LRFN5: variants seen among roughly 807,000 people sequenced by gnomAD.
LRFN5 encodes leucine rich repeat and fibronectin type III domain containing 5, also known as leucine-rich repeat and fibronectin type-III domain-containing protein 5.
In LRFN5, 24 loss-of-function variants were observed where a neutral mutation model predicts 45.6. That is an observed-to-expected ratio of 0.53 (90% CI 0.38 to 0.74). LRFN5 has a LOEUF of 0.74. Among genes scored for constraint, LRFN5 ranks in the 30% least tolerant of loss-of-function variants. The probability of loss-of-function intolerance (pLI) is 0.00; values close to 1 mark genes in which losing one functional copy is unlikely to be tolerated. For synonymous variants in LRFN5, 340 were observed against 313.8 expected (o/e 1.08, Z -0.88); for missense variants, 776 against 861.5 (o/e 0.90, Z 1.24).
intron 1 of LRFN5, among the ~76,000 whole-genome samples, chr14:41,764,850 CATATATAT>C (rs1885813784): frequency 6.7e-6 from 1 of 149,084 alleles, no homozygotes; most frequent in Non-Finnish European, 1.5e-5. Flanking sequence ...ATGCAGAATA[CATATATAT>C]GATTATATAT....
intron 2 of LRFN5, among the ~76,000 whole-genome samples, chr14:41,853,520 T>A (rs2139080448): frequency 6.6e-6 from 1 of 152,170 alleles, no homozygotes; most frequent in Non-Finnish European, 1.5e-5. Flanking sequence ...AACTTTTTAG[T>A]CCCTGAGATG....
intron 1 of LRFN5, among the ~76,000 whole-genome samples, chr14:41,619,017 T>A (rs553920250): frequency 1.3e-5 from 2 of 149,352 alleles, no homozygotes; most frequent in East Asian, 4.0e-4. Flanking sequence ...TTAGAGAAGC[T>A]TCTCTGAAAA....
At chr14:41,703,745 T>G (rs1458830852) in intron 1 of LRFN5, among the ~76,000 whole-genome samples, 1 of 152,144 alleles carries the variant, frequency 6.6e-6, no homozygotes, top group Non-Finnish European at 1.5e-5. Flanking sequence ...AATCAGCACA[T>G]TTGCCTTCAA....
At chr14:41,714,641 C>A (rs1036981611) in intron 1 of LRFN5, among the ~76,000 whole-genome samples, 8 of 152,098 alleles carry the variant, frequency 5.3e-5, no homozygotes, top group African/African-American at 1.7e-4. Context: ...TGTGGTGGCT[C>A]ATGCCTGTAA....
At chr14:41,621,803 C>A (rs1888145424) in intron 1 of LRFN5, among the ~76,000 whole-genome samples, 1 of 152,088 alleles carries the variant, frequency 6.6e-6, no homozygotes, top group Non-Finnish European at 1.5e-5. Flanking sequence ...AATCAGGATG[C>A]AACTTTCAGC....
intron 1 of LRFN5, among the ~76,000 whole-genome samples, chr14:41,752,096 A>G (rs1885158880): frequency 6.6e-6 from 1 of 152,080 alleles, no homozygotes. Flanking sequence ...ACATGAACTC[A>G]TCATTTTTTA....
rs200253065 is a variant in LRFN5, at chr14:41,704,448, C to CTCTCTCTCTGTGTGTGTGTGTGTGTGTG, written c.-196-62405_-196-62404insCTCTCTCTGTGTGTGTGTGTGTGTGTGT. Among the ~76,000 whole-genome samples the CTCTCTCTCTGTGTGTGTGTGTGTGTGTG allele has an allele frequency of 6.7e-4, 83 of 124,250 alleles. 1 individual carries two copies. Among genetic ancestry groups the CTCTCTCTCTGTGTGTGTGTGTGTGTGTG allele is most frequent in the African/African-American group, 3.0e-3 (77 of 25,920 alleles). 81.5% of individuals were successfully genotyped at this position (124,250 alleles called of 152,430 possible). On this transcript the variant is annotated intron_variant, in intron 1 of 5. Coordinates refer to ENST00000298119, the MANE Select transcript of LRFN5 (RefSeq NM_152447.5). ...TCTCTCTCTCTCTCTCTCTCTCTCT[C>CTCTCTCTCTGTGTGTGTGTGTGTGTGTG]TGTGTGTGTGTGTCTGTGAGATTTG...
chr14:41,738,341 T>G (rs77074576), intron 1 of LRFN5, among the ~76,000 whole-genome samples: 1 of 151,996 alleles, frequency 6.6e-6, no homozygotes, highest in South Asian at 2.1e-4. Context: ...ATGCAAAAAT[T>G]AACTCAAGAT....
At chr14:41,749,494 T>C (rs1364109071) in intron 1 of LRFN5, among the ~76,000 whole-genome samples, 1 of 152,140 alleles carries the variant, frequency 6.6e-6, no homozygotes, top group East Asian at 1.9e-4. Flanking sequence ...CCATGGTGTA[T>C]ATAGAGATGA....
chr14:41,879,367 T>A (rs1310475159), intron 2 of LRFN5, among the ~76,000 whole-genome samples: 2 of 151,740 alleles, frequency 1.3e-5, no homozygotes, highest in African/African-American at 2.4e-5. Context: ...TTAAAAAAAA[T>A]TAATCACCTA....
intron 1 of LRFN5, among the ~76,000 whole-genome samples, chr14:41,627,181 C>T (rs1345099816): frequency 1.3e-5 from 2 of 151,780 alleles, no homozygotes. Context: ...ATCTTTTTAG[C>T]GTGTACAATT....
chr14:41,834,591 C>G (rs917418048), intron 2 of LRFN5, among the ~76,000 whole-genome samples: 2 of 152,140 alleles, frequency 1.3e-5, no homozygotes, highest in Admixed American at 6.5e-5. Context: ...CATCTAATTA[C>G]TTGATAATCA....
chr14:41,774,536 T>C (rs1007731079), intron 2 of LRFN5, among the ~76,000 whole-genome samples: 6 of 152,208 alleles, frequency 3.9e-5, no homozygotes, highest in Admixed American at 2.0e-4. Context: ...TACTAATGAT[T>C]TGTAATATGA....
chr14:41,805,863 G>A (rs1250843536), intron 2 of LRFN5, among the ~76,000 whole-genome samples: 1 of 152,102 alleles, frequency 6.6e-6, no homozygotes, highest in Non-Finnish European at 1.5e-5. Flanking sequence ...TTGTTGCACA[G>A]CATACCTTTT....
chr14:41,890,144 A>G (rs1566508010), intron 3 of LRFN5, among the ~76,000 whole-genome samples: 1 of 151,964 alleles, frequency 6.6e-6, no homozygotes, highest in Non-Finnish European at 1.5e-5. Flanking sequence ...GATTACAGGC[A>G]TGAGCCACCG....
intron 2 of LRFN5, among the ~76,000 whole-genome samples, chr14:41,769,080 GAA>G (rs1324175478): frequency 7.3e-6 from 1 of 137,016 alleles, no homozygotes; most frequent in South Asian, 2.3e-4. Context: ...TAATCACTCT[GAA>G]AAAAAAAAAA....
chr14:41,891,391 T>C lies in LRFN5; in HGVS notation c.1527T>C (p.Thr509=), dbSNP rs762773368. The C allele has an allele frequency of 3.1e-6, 5 of 1,614,044 alleles. No homozygotes were observed. Among genetic ancestry groups the C allele is most frequent in the Non-Finnish European group, 4.2e-6 (5 of 1,180,044 alleles). Residue 509 remains threonine, a synonymous_variant, in exon 4 of 6, where the codon ACT becomes ACC. Coordinates refer to ENST00000298119, the MANE Select transcript of LRFN5 (RefSeq NM_152447.5). The stretch of plus-strand genomic sequence containing the variant: ...GAGTCGTGGGTTGCATCCAGTTTAC[T>C]ACGGAACAGGATTATGTGCGTTGCC... ...ATRVVGCIQF[T]TEQDYVRCHF...
chr14:41,811,098 A>G (rs897304703), intron 2 of LRFN5, among the ~76,000 whole-genome samples: 17 of 152,124 alleles, frequency 1.1e-4, no homozygotes, highest in Non-Finnish European at 2.1e-4. Context: ...CTCAATTTTA[A>G]AAGGTGCAAA....
At chr14:41,875,687 T>C (rs757988185) in intron 2 of LRFN5, among the ~76,000 whole-genome samples, 1 of 152,234 alleles carries the variant, frequency 6.6e-6, no homozygotes, top group Non-Finnish European at 1.5e-5. Context: ...GAAAAATGAA[T>C]GACTATAGTT....
Sources: gnomAD v4.1 joint callset for allele counts (sites outside exome capture counted in the v4.1 genomes callset) on GRCh38, gnomAD v4.1.1 for gene constraint, MANE v1.5 for transcripts, NCBI Gene and HGNC (gene_info 2026-07-23, HGNC 2026-07-21) for gene names.